Variants in MKLN1 observed in about 807,000 individuals in gnomAD.
MKLN1 encodes the protein muskelin.
Under a neutral mutation model 99.0 loss-of-function variants are expected in MKLN1, and 18 were observed. The ratio of observed to expected loss-of-function variants is 0.18; its 90% confidence interval spans 0.13 to 0.27. The LOEUF is 0.27. MKLN1 is among the 10% of genes least tolerant of loss of function. MKLN1 has a pLI of 1.00. For synonymous variants in MKLN1, 288 were observed against 293.2 expected (o/e 0.98, Z 0.18); for missense variants, 621 against 875.9 (o/e 0.71, Z 3.67).
intron 3 of MKLN1, among the ~76,000 whole-genome samples, chr7:131,217,159 A>C (rs1796994769): frequency 6.6e-6 from 1 of 152,232 alleles, no homozygotes; most frequent in South Asian, 2.1e-4. Flanking sequence ...ATATAAATAT[A>C]ATCAAAATAG....
chr7:131,377,799 TC>T (rs1793708380), intron 2 of MKLN1, among the ~76,000 whole-genome samples: 1 of 152,206 alleles, frequency 6.6e-6, no homozygotes, highest in Non-Finnish European at 1.5e-5. Context: ...TTAAATATTG[TC>T]TCCTCTTGAT....
At chr7:131,142,824 C>A (rs938718019) in exon 2 of MKLN1, 2 of 991,416 alleles carry the variant, frequency 2.0e-6, no homozygotes, top group Non-Finnish European at 2.8e-6. Context: ...TTCCAGAGTT[C>A]CATATCCAGA....
At chr7:131,451,261 A>G (rs896323471) in intron 12 of MKLN1, among the ~76,000 whole-genome samples, 1 of 152,060 alleles carries the variant, frequency 6.6e-6, no homozygotes. Flanking sequence ...GTTGTTCTAA[A>G]GATTTTTTAC....
At chr7:131,247,862 G>A (rs1011640106) in intron 3 of MKLN1, among the ~76,000 whole-genome samples, 2 of 150,276 alleles carry the variant, frequency 1.3e-5, no homozygotes, top group Non-Finnish European at 3.0e-5. Context: ...ACTTCTCTCT[G>A]CTACTGCCTT....
At position 131,399,183 on chromosome 7, in the gene MKLN1, T is replaced by C; in HGVS notation, c.511-58T>C. 5 of 1,409,270 alleles carry C rather than the reference T, an allele frequency of 3.5e-6. 1 individual carries two copies. Among genetic ancestry groups the C allele is most frequent in the Middle Eastern group, 3.5e-4 (2 of 5,690 alleles). The allele number at this position is 1,409,270 out of a possible 1,614,324, so 87.3% of individuals were successfully genotyped here. A position where few individuals can be genotyped will look rare whatever the true frequency, so the allele number is the denominator to read the frequency against. Reference sequence around the variant, plus strand: ...AGTTATTTTTACTGTTGTTATTGTTTCCTACAGTATCATCTAACCAAATCT... The same window carrying C: ...AGTTATTTTTACTGTTGTTATTGTTCCCTACAGTATCATCTAACCAAATCT... On this transcript the variant is annotated intron_variant, in intron 5 of 17. Coordinates refer to ENST00000352689, the MANE Select transcript of MKLN1 (RefSeq NM_013255.5).
intron 10 of MKLN1, among the ~76,000 whole-genome samples, chr7:131,440,555 A>G (rs919659035): frequency 2.0e-5 from 3 of 152,214 alleles, no homozygotes; most frequent in African/African-American, 7.2e-5. Flanking sequence ...AAAAATAACA[A>G]TAAATGAAAG....
intron 2 of MKLN1, among the ~76,000 whole-genome samples, chr7:131,199,408 A>G (rs1454628566): frequency 1.3e-5 from 2 of 152,086 alleles, no homozygotes; most frequent in Admixed American, 6.6e-5. Context: ...GCCAATACAG[A>G]TGATTTTTAA....
At chr7:131,198,628 T>C (rs1796682985) in intron 2 of MKLN1, among the ~76,000 whole-genome samples, 1 of 152,190 alleles carries the variant, frequency 6.6e-6, no homozygotes, top group Middle Eastern at 3.2e-3. Context: ...ATGATGAAAG[T>C]GGGGTTGAAT....
chr7:131,185,423 C>CAA (rs35268389), intron 2 of MKLN1, among the ~76,000 whole-genome samples: 46,880 of 143,386 alleles, frequency 0.33, 8,001 homozygotes, highest in Non-Finnish European at 0.39. Flanking sequence ...ACTAAAAATA[C>CAA]AAAAAAAAAA....
chr7:131,351,146 G>A (rs1799708251), intron 1 of MKLN1, among the ~76,000 whole-genome samples: 1 of 152,018 alleles, frequency 6.6e-6, no homozygotes, highest in African/African-American at 2.4e-5. Context: ...TACTTTGGAG[G>A]CTGAGGCAAG....
At chr7:131,263,722 ACCATGCCCAG>A (rs529759262) in intron 3 of MKLN1, among the ~76,000 whole-genome samples, 1 of 151,942 alleles carries the variant, frequency 6.6e-6, no homozygotes, top group Non-Finnish European at 1.5e-5. Flanking sequence ...GGTGTGTGCC[ACCATGCCCAG>A]CTAATTTTTG....
intron 2 of MKLN1, among the ~76,000 whole-genome samples, chr7:131,159,663 G>A (rs762388675): frequency 4.9e-4 from 74 of 151,958 alleles, no homozygotes; most frequent in Non-Finnish European, 8.1e-4. Flanking sequence ...AGTACAGTAG[G>A]GAAATTAAAG....
In MKLN1 at chr7:131,428,706, G is replaced by A. The variant is rs113124766; in HGVS notation, c.848-327G>A. ...CACAGAAACTCCAAACCAGCTGCAC[G>A]TTAAATTTTTCTGGGATACTTTACA... On this transcript the variant is annotated intron_variant, in intron 8 of 17. Coordinates refer to ENST00000352689, the MANE Select transcript of MKLN1 (RefSeq NM_013255.5). Among the ~76,000 whole-genome samples the A allele has an allele frequency of 5.6e-3, 845 of 152,208 alleles. 10 individuals are homozygous for A. The highest frequency in any genetic ancestry group is 0.019 in the African/African-American group (808 of 41,524).
intron 2 of MKLN1, among the ~76,000 whole-genome samples, chr7:131,195,455 G>A (rs746325271): frequency 1.3e-5 from 2 of 151,772 alleles, no homozygotes; most frequent in Non-Finnish European, 2.9e-5. Flanking sequence ...AGGTTGCAAC[G>A]AGCCAAGATC....
intron 8 of MKLN1, among the ~76,000 whole-genome samples, chr7:131,420,147 AC>A (rs1417392569): frequency 5.3e-5 from 8 of 152,088 alleles, no homozygotes; most frequent in African/African-American, 1.9e-4. Context: ...TGTGTAACAA[AC>A]CTGCGTGTTG....
At chr7:131,464,066 A>G (rs1175190431) in intron 13 of MKLN1, among the ~76,000 whole-genome samples, 1 of 152,214 alleles carries the variant, frequency 6.6e-6, no homozygotes, top group East Asian at 1.9e-4. Context: ...TTTGTATTTC[A>G]TAACAAAAAG....
chr7:131,251,288 T>C (rs778745738), intron 3 of MKLN1, among the ~76,000 whole-genome samples: 11 of 152,204 alleles, frequency 7.2e-5, no homozygotes, highest in Non-Finnish European at 1.6e-4. Context: ...ACCAAAGATA[T>C]TAAACGACCT....
At chr7:131,121,601 T>G (rs1795371252) in intron 1 of MKLN1, among the ~76,000 whole-genome samples, 1 of 124,676 alleles carries the variant, frequency 8.0e-6, no homozygotes, top group Non-Finnish European at 1.6e-5. Context: ...ATCGCGCCAC[T>G]GCACTCCAGC....
intron 8 of MKLN1, among the ~76,000 whole-genome samples, chr7:131,423,749 A>C (rs1358548500): frequency 1.3e-5 from 2 of 152,252 alleles, no homozygotes; most frequent in Non-Finnish European, 2.9e-5. Context: ...AAATTTATTC[A>C]TATGGCTGTA....
Sources: allele counts gnomAD v4.1 joint callset (sites outside exome capture counted in the v4.1 genomes callset), GRCh38; gene constraint gnomAD v4.1.1; transcripts MANE v1.5; gene names NCBI Gene and HGNC (gene_info 2026-07-23, HGNC 2026-07-21).